ZDHHC17: variants seen among roughly 807,000 people sequenced by gnomAD.
ZDHHC17 encodes zDHHC palmitoyltransferase 17.
In ZDHHC17, 40 loss-of-function variants were observed where a neutral mutation model predicts 90.3. The observed-to-expected ratio is 0.44, with a 90% CI of 0.34 to 0.58. The LOEUF (loss-of-function observed/expected upper bound fraction) is 0.58. Ranked by LOEUF, ZDHHC17 falls within the 20% of genes least tolerant of loss-of-function variation. The pLI is 0.01. For synonymous variants in ZDHHC17, 235 were observed against 252.4 expected (o/e 0.93, Z 0.65); for missense variants, 614 against 780.8 (o/e 0.79, Z 2.55).
intron 1 of ZDHHC17, among the ~76,000 whole-genome samples, chr12:76,790,768 A>G (rs914528462): frequency 1.3e-5 from 2 of 152,288 alleles, no homozygotes; most frequent in East Asian, 3.9e-4. Flanking sequence ...ATGGAAGCTA[A>G]AGAAGTTAAT....
rs1215266542 is a variant in ZDHHC17 at position 76,801,480 on chromosome 12, C to T, written c.198-3837C>T. 6.6e-5 allele frequency among the ~76,000 whole-genome samples: 10 copies of T among 151,610 alleles called. No homozygotes were observed. The East Asian group carries it at 1.0e-3, about 15-fold the overall frequency. On this transcript the variant is annotated intron_variant, in intron 2 of 16. Transcript: ENST00000426126. ...CATCCTGGCTAACATGGTGAAACCCCGTCTCTACTGAAAATACAAAAAAAT... is the reference window on the plus strand; with the variant it reads ...CATCCTGGCTAACATGGTGAAACCCTGTCTCTACTGAAAATACAAAAAAAT...
chr12:76,834,740 A>T (rs1287690044), intron 10 of ZDHHC17, among the ~76,000 whole-genome samples: 3 of 152,110 alleles, frequency 2.0e-5, no homozygotes, highest in African/African-American at 7.2e-5. Context: ...ATGAAGATGG[A>T]TGTGAGGGGA....
chr12:76,788,708 T>TTTTTTTTTTTTTTTTTTTTTTTTTTG, intron 1 of ZDHHC17, among the ~76,000 whole-genome samples: 1 of 139,830 alleles, frequency 7.2e-6, no homozygotes, highest in Non-Finnish European at 1.5e-5. Flanking sequence ...TTTTTTTTTT[T>TTTTTTTTTTTTTTTTTTTTTTTTTTG]TTTTTTGAGC....
intron 1 of ZDHHC17, among the ~76,000 whole-genome samples, chr12:76,775,714 T>G (rs1235816088): frequency 6.6e-6 from 1 of 152,186 alleles, no homozygotes; most frequent in Non-Finnish European, 1.5e-5. Flanking sequence ...AAGTAAAATT[T>G]AGAACAATAC....
At chr12:76,836,507 G>A (rs1053152565) in intron 10 of ZDHHC17, among the ~76,000 whole-genome samples, 12 of 150,410 alleles carry the variant, frequency 8.0e-5, no homozygotes, top group African/African-American at 2.7e-4. Flanking sequence ...ACAACTTTAG[G>A]TTTTATTAAT....
intron 4 of ZDHHC17, among the ~76,000 whole-genome samples, 172 bp downstream of exon 4, chr12:76,809,292 T>C (rs1014853615): frequency 6.6e-6 from 1 of 152,144 alleles, no homozygotes; most frequent in Non-Finnish European, 1.5e-5. Flanking sequence ...GAAGCAAAAG[T>C]TTATTGTCCA....
intron 3 of ZDHHC17, 43 bp downstream of exon 3, chr12:76,805,482 T>A: frequency 7.3e-7 from 1 of 1,374,546 alleles, no homozygotes; most frequent in Admixed American, 2.4e-5. Flanking sequence ...CTTGACTTTT[T>A]ATGGTTATAA....
intron 7 of ZDHHC17, among the ~76,000 whole-genome samples, chr12:76,816,582 T>A (rs7310143): frequency 0.92 from 140,344 of 152,030 alleles, 64,810 homozygotes; most frequent in South Asian, 0.95. Context: ...GTATTTTCTG[T>A]GTTATGTTTC....
chr12:76,847,691 C>A (rs1953511960), intron 14 of ZDHHC17, among the ~76,000 whole-genome samples: 1 of 152,090 alleles, frequency 6.6e-6, no homozygotes, highest in Non-Finnish European at 1.5e-5. Flanking sequence ...GACCCCATCT[C>A]TACAAAAAAT....
rs115664915 is a variant in ZDHHC17 at position 76,784,264 on chromosome 12, G to A, written c.94-13170G>A. ...TTGTAACATGTCTAAACCATATCTA[G>A]TTTGAGGCATTAAGGAGGATAAGAC... On this transcript the variant is annotated intron_variant, in intron 1 of 16. Coordinates refer to ENST00000426126, the MANE Select transcript of ZDHHC17 (RefSeq NM_015336.4). Among the ~76,000 whole-genome samples the A allele has an allele frequency of 3.3e-3, 507 of 152,246 alleles. 3 individuals carry two copies. Among genetic ancestry groups the A allele is most frequent in the African/African-American group, 0.012 (484 of 41,520 alleles).
intron 1 of ZDHHC17, among the ~76,000 whole-genome samples, chr12:76,770,350 C>T (rs1464803081): frequency 6.6e-6 from 1 of 151,982 alleles, no homozygotes; most frequent in Non-Finnish European, 1.5e-5. Context: ...AGCCCTTTTG[C>T]CCTATTTGAT....
rs1219118750 is a variant in ZDHHC17 at position 76,764,507 on chromosome 12, GCGGGGCGGGCCCGAC to G, written c.93+189_93+203del. 1.6e-5 allele frequency: 10 copies of G among 627,100 alleles called. No homozygotes were observed. In the African/African-American group the frequency reaches 1.8e-4, roughly 12 times the overall value. 38.8% of individuals were successfully genotyped at this position (627,100 alleles called of 1,614,324 possible). Reference sequence around the variant, plus strand: ...CGAGCGGATAACGGGGGAGGAGATAGCGGGGCGGGCCCGACCGGGGCGGGCTCTGGGACGCAGTCC... The same window carrying G: ...CGAGCGGATAACGGGGGAGGAGATAGCGGGGCGGGCTCTGGGACGCAGTCC... On this transcript the variant is annotated intron_variant, in intron 1 of 16. Transcript: ENST00000426126.
chr12:76,810,782 A>C (rs1429046610), intron 5 of ZDHHC17, among the ~76,000 whole-genome samples: 1 of 152,228 alleles, frequency 6.6e-6, no homozygotes, highest in Admixed American at 6.5e-5. Flanking sequence ...ATACCAACCA[A>C]TTAATACGTC....
intron 11 of ZDHHC17, among the ~76,000 whole-genome samples, chr12:76,842,494 A>AT (rs1953447003): frequency 6.6e-6 from 1 of 152,204 alleles, no homozygotes; most frequent in South Asian, 2.1e-4. Flanking sequence ...TAGCTAAAAT[A>AT]TTTGTATATA....
intron 14 of ZDHHC17, 49 bp downstream of exon 14, chr12:76,846,728 T>A: frequency 7.0e-7 from 1 of 1,424,582 alleles, no homozygotes; most frequent in Non-Finnish European, 9.7e-7. Flanking sequence ...TCTGCATACT[T>A]AGATTATACT....
At chr12:76,805,930 A>G (rs1442189307) in intron 3 of ZDHHC17, among the ~76,000 whole-genome samples, 1 of 152,232 alleles carries the variant, frequency 6.6e-6, no homozygotes, top group Non-Finnish European at 1.5e-5. Context: ...ATAAGTGATG[A>G]ATACTTTGCA....
rs10667 is a variant in ZDHHC17 at position 76,853,370 on chromosome 12, T to C, written c.*2385T>C. ...CCTTTGGGAATAGTTCTTATCAACT[T>C]AATTGGATACTTTTAGCAAATAGGA... On this transcript the variant is annotated 3_prime_UTR_variant, in exon 17 of 17. Transcript: ENST00000426126. 21,933 of 152,584 alleles carry C rather than the reference T, an allele frequency of 0.14. 1,971 individuals are homozygous for C. The highest frequency in any genetic ancestry group is 0.2 in the Non-Finnish European group (13,650 of 67,948). The allele number at this position is 152,584 out of a possible 1,614,324, so 9.5% of individuals were successfully genotyped here. A position where few individuals can be genotyped will look rare whatever the true frequency, so the allele number is the denominator to read the frequency against.
Position 76,850,959 on chromosome 12 carries a change from T to C in ZDHHC17, c.1873T>C (p.Ser625Pro), listed in dbSNP as rs746929440. The C allele has an allele frequency of 5.6e-6, 9 of 1,613,832 alleles. No individual in the cohort carries two copies. The East Asian group carries it at 6.7e-5, about 12-fold the overall frequency. Residue 625 changes from serine to proline, a missense_variant, in exon 17 of 17, where the codon TCA becomes CCA. Around this residue, in one of 5 missense-constraint regions of ZDHHC17, gnomAD observed 28 missense variants for 20.0 expected, o/e 1.40. Transcript: ENST00000426126. ...RQYTIEYDQI[S>P]GSGYQLV is the part of the protein sequence containing the mutation. Reference sequence around the variant, plus strand: ...GTATACAATAGAATATGACCAAATATCAGGATCTGGGTACCAGCTGGTGTA... The same window carrying C: ...GTATACAATAGAATATGACCAAATACCAGGATCTGGGTACCAGCTGGTGTA...
At chr12:76,821,999 G>T (rs1471599348) in intron 7 of ZDHHC17, among the ~76,000 whole-genome samples, 2 of 152,018 alleles carry the variant, frequency 1.3e-5, no homozygotes, top group African/African-American at 4.8e-5. Flanking sequence ...TATCATTGTT[G>T]AAATAAAACT....
Sources: allele counts gnomAD v4.1 joint callset (sites outside exome capture counted in the v4.1 genomes callset), GRCh38; gene constraint gnomAD v4.1.1; regional missense constraint gnomAD v4.1.1; transcripts MANE v1.5; gene names NCBI Gene and HGNC (gene_info 2026-07-23, HGNC 2026-07-21).